The following BAHD1 variants were observed in gnomAD, a reference collection of about 807,000 sequenced individuals.
BAHD1 encodes bromo adjacent homology domain-containing 1 protein.
In BAHD1, 20 loss-of-function variants were observed where a neutral mutation model predicts 63.1. That is an observed-to-expected ratio of 0.32 (90% CI 0.22 to 0.46). BAHD1 has a LOEUF of 0.46. Among genes scored for constraint, BAHD1 ranks in the 20% least tolerant of loss-of-function variants. The pLI is 1.00. For synonymous variants in BAHD1, 408 were observed against 426.8 expected, an observed-to-expected ratio of 0.96 and a Z score of 0.54; for missense variants, 939 against 1,071.8, an observed-to-expected ratio of 0.88 and a Z score of 1.73.
rs1256282336 is a variant in BAHD1 at position 40,466,134 on chromosome 15, C to T, written c.*4C>T. On this transcript the variant is annotated 3_prime_UTR_variant, in exon 7 of 7. Coordinates refer to ENST00000416165, the MANE Select transcript of BAHD1 (RefSeq NM_014952.5). ...CATCCTTAAGAACCCCCAGTAGCCT[C>T]CTCATGCCCATGCTGGGGCTACCCA... 1 of 1,611,122 alleles carries T rather than the reference C, an allele frequency of 6.2e-7. No homozygotes were observed. The highest frequency in any genetic ancestry group is 1.3e-5 in the African/African-American group (1 of 74,998).
Position 40,467,509 on chromosome 15 carries a change from G to C in BAHD1, c.*1379G>C, listed in dbSNP as rs954378586. 2.6e-5 allele frequency: 4 copies of C among 152,884 alleles called. No homozygotes were observed. Among genetic ancestry groups the C allele is most frequent in the African/African-American group, 9.7e-5 (4 of 41,444 alleles). The allele number at this position is 152,884 out of a possible 1,614,324, so 9.5% of individuals were successfully genotyped here. ...CTGCAGCCCTGGGTCTTCCCTTAGG[G>C]AGGAAGGGCAGATGAACCCAGCAGG... is the stretch of plus-strand genomic sequence containing the variant. On this transcript the variant is annotated 3_prime_UTR_variant, in exon 7 of 7. Transcript: ENST00000416165.
In BAHD1 at chr15:40,459,576, C is replaced by T. The variant is rs748905255; in HGVS notation, c.1112C>T (p.Pro371Leu). 9 of 1,614,088 alleles carry T rather than the reference C, an allele frequency of 5.6e-6. No individual in the cohort carries two copies. The African/African-American group carries it at 1.2e-4, about 22-fold the overall frequency. Residue 371 changes from proline (P) to leucine (L), a missense_variant, in exon 2 of 7, where the codon CCT becomes CTT. Pro to Leu is a moderately conservative substitution (Grantham distance 98). Coordinates refer to ENST00000416165, the MANE Select transcript of BAHD1 (RefSeq NM_014952.5). ...PADYNGLCVG[P>L]ELTALGSFYL... ...GACTACAATGGCCTGTGTGTTGGGC[C>T]TGAGCTCACTGCACTAGGCAGCTTC...
At chr15:40,464,900 G>A in intron 5 of BAHD1, 1 of 386,880 alleles carries the variant, frequency 2.6e-6, no homozygotes, top group East Asian at 5.2e-5. Context: ...AGTAGGGGAG[G>A]GGAGGGGAGG....
At chr15:40,463,659 T>A (rs1367586280) in intron 3 of BAHD1, among the ~76,000 whole-genome samples, 1 of 152,182 alleles carries the variant, frequency 6.6e-6, no homozygotes, top group Non-Finnish European at 1.5e-5. Flanking sequence ...AGGCCACTTT[T>A]CCACCCCTAT....
At chr15:40,447,746 T>C (rs1266348234) in intron 1 of BAHD1, among the ~76,000 whole-genome samples, 2 of 152,160 alleles carry the variant, frequency 1.3e-5, no homozygotes, top group Non-Finnish European at 2.9e-5. Flanking sequence ...GTTTAGAGCA[T>C]GATGACCAGT....
intron 1 of BAHD1, among the ~76,000 whole-genome samples, chr15:40,447,967 C>T (rs1488650424): frequency 1.3e-5 from 2 of 152,054 alleles, no homozygotes; most frequent in African/African-American, 2.4e-5. Flanking sequence ...ATGTTTGTTT[C>T]GGCCAGGTGC....
In BAHD1 at chr15:40,466,413, T is replaced by G; in HGVS notation, c.*283T>G. ...TCCGAAAAGTAGTCTTCTCTGAGGC[T>G]GGGCCAAGCCTGAGGGAAATGGGGC... On this transcript the variant is annotated 3_prime_UTR_variant, in exon 7 of 7. Transcript: ENST00000416165. 1 of 113,884 alleles carries G rather than the reference T, an allele frequency of 8.8e-6. No homozygotes were observed. Among genetic ancestry groups the G allele is most frequent in the Non-Finnish European group, 1.6e-5 (1 of 62,018 alleles). 7.1% of individuals were successfully genotyped at this position (113,884 alleles called of 1,614,324 possible).
rs1341747223 is a variant in BAHD1, at chr15:40,466,421, G to A, written c.*291G>A. On this transcript the variant is annotated 3_prime_UTR_variant, in exon 7 of 7. Coordinates refer to ENST00000416165, the MANE Select transcript of BAHD1 (RefSeq NM_014952.5). ...GTAGTCTTCTCTGAGGCTGGGCCAA[G>A]CCTGAGGGAAATGGGGCCCTAGGAG... 1.9e-5 allele frequency: 4 copies of A among 208,956 alleles called. No homozygotes were observed. Among genetic ancestry groups the A allele is most frequent in the Admixed American group, 5.9e-5 (1 of 16,906 alleles). 12.9% of individuals were successfully genotyped at this position (208,956 alleles called of 1,614,324 possible).
At chr15:40,446,729 C>T (rs1033777517) in intron 1 of BAHD1, among the ~76,000 whole-genome samples, 1 of 152,118 alleles carries the variant, frequency 6.6e-6, no homozygotes, top group Non-Finnish European at 1.5e-5. Context: ...AATATTTTTT[C>T]TTGCATGTGT....
In BAHD1 at chr15:40,441,053, CCGCCCGCCCCGGCCAGGCG is replaced by C. The variant is rs1049083110; in HGVS notation, c.-219_-201del. Among the ~76,000 whole-genome samples the C allele has an allele frequency of 4.5e-4, 66 of 146,260 alleles. No homozygotes were observed. The highest frequency in any genetic ancestry group is 2.7e-3 in the South Asian group (13 of 4,796). Reference sequence around the variant, plus strand: ...GCCCCGCCCGTCCGGCCCCCGCCGTCCGCCCGCCCCGGCCAGGCGCGCCCGCCCCCCCCGACGGCCCCGC... The same window carrying C: ...GCCCCGCCCGTCCGGCCCCCGCCGTCCGCCCGCCCCCCCCGACGGCCCCGC... On this transcript the variant is annotated 5_prime_UTR_variant, in exon 1 of 7. Coordinates refer to ENST00000416165, the MANE Select transcript of BAHD1 (RefSeq NM_014952.5).
At chr15:40,457,944 C>T (rs145140649) in intron 1 of BAHD1, among the ~76,000 whole-genome samples, 5,790 of 152,110 alleles carry the variant, frequency 0.038, 385 homozygotes, top group African/African-American at 0.13. Flanking sequence ...ACCTGGGAGG[C>T]GGAGCTTGCA....
chr15:40,462,178 C>T lies in BAHD1; in HGVS notation c.1699C>T (p.Pro567Ser). Residue 567 changes from proline to serine, a missense_variant, in exon 3 of 7, where the codon CCT (proline) becomes TCT (serine). Physicochemically the swap from Pro to Ser is moderately conservative, Grantham distance 74 (BLOSUM62 -1). Coordinates refer to ENST00000416165, the MANE Select transcript of BAHD1 (RefSeq NM_014952.5). ...TGCAAGGAGCAAGGCTGCCCGCAGG[C>T]CTAGCCACCCCAAGCAGCCACGTGT... Reference protein sequence around the residue: ...HTARSKAARRPSHPKQPRVQR... With the variant: ...HTARSKAARRSSHPKQPRVQR... 1 of 1,612,306 alleles carries T rather than the reference C, an allele frequency of 6.2e-7. No homozygotes were observed. Among genetic ancestry groups the T allele is most frequent in the Non-Finnish European group, 8.5e-7 (1 of 1,179,940 alleles).
Position 40,459,693 on chromosome 15 carries a change from C to T in BAHD1, c.1229C>T (p.Pro410Leu), listed in dbSNP as rs1893975039. The T allele has an allele frequency of 2.5e-6, 4 of 1,613,898 alleles. No homozygotes were observed. The Admixed American group carries it at 5.0e-5, about 20-fold the overall frequency. The change falls in exon 2 of 7, where the codon CCT becomes CTT. Residue 410 changes from proline (P) to leucine (L), a missense_variant. Physicochemically the swap from Pro to Leu is moderately conservative, Grantham distance 98. Transcript: ENST00000416165. The part of the protein sequence containing the change: ...PEGKLSPVAA[P>L]HEEGLLLAPS... ...GGCAAGCTGTCCCCAGTGGCTGCAC[C>T]TCACGAGGAGGGGCTCCTCTTAGCT... is the stretch of plus-strand genomic sequence containing the variant.
At position 40,462,271 on chromosome 15, in the gene BAHD1, T is replaced by A. The variant is rs1386951025; in HGVS notation, c.1792T>A (p.Cys598Ser). The A allele has an allele frequency of 3.7e-6, 6 of 1,609,018 alleles. No individual in the cohort carries two copies. In the South Asian group the frequency reaches 6.6e-5, roughly 18 times the overall value. The change falls in exon 3 of 7, where the codon TGT becomes AGT. Residue 598 changes from cysteine (C) to serine (S), a missense_variant. This residue lies in a region of BAHD1 where 35 missense variants were observed against 56.5 expected (regional missense o/e 0.62). Coordinates refer to ENST00000416165, the MANE Select transcript of BAHD1 (RefSeq NM_014952.5). The stretch of plus-strand genomic sequence containing the variant: ...TGGCTGGGTACCTGTTGGGGCTGCG[T>A]GTGAGAAGGCTGTGTATGTCTTGGT... ...TNGWVPVGAA[C>S]EKAVYVLDEP...
In BAHD1 at chr15:40,445,677, AG is replaced by A. The variant is rs1270545543; in HGVS notation, c.-15+4412del. 8.2e-4 allele frequency among the ~76,000 whole-genome samples: 125 copies of A among 152,342 alleles called. 2 individuals carry two copies. The highest frequency in any genetic ancestry group is 7.6e-3 in the Admixed American group (117 of 15,300). The stretch of plus-strand genomic sequence containing the variant: ...ATTATACGAACAGCCCCGACATTAA[AG>A]GGCCTCCTTTTTATGAATGGGTTGT... On this transcript the variant is annotated intron_variant, in intron 1 of 6. Transcript: ENST00000416165.
At chr15:40,465,875 A>G (rs1215809140) in intron 6 of BAHD1, 66 bp from the exon 7 acceptor site, 48 of 1,488,928 alleles carry the variant, frequency 3.2e-5, no homozygotes, top group Middle Eastern at 1.8e-4. Context: ...AGGGTAGGGT[A>G]GGGAAGGAAT....
chr15:40,451,703 G>C (rs1893708437), intron 1 of BAHD1, among the ~76,000 whole-genome samples: 1 of 152,240 alleles, frequency 6.6e-6, no homozygotes, highest in African/African-American at 2.4e-5. Flanking sequence ...TCTGCTGTGG[G>C]GGGGCCAGCA....
chr15:40,452,095 C>T (rs931411471), intron 1 of BAHD1, among the ~76,000 whole-genome samples: 2 of 152,208 alleles, frequency 1.3e-5, no homozygotes, highest in African/African-American at 2.4e-5. Flanking sequence ...CCACCAGACC[C>T]GAGGGCAGTC....
intron 1 of BAHD1, among the ~76,000 whole-genome samples, chr15:40,457,000 A>G (rs1014369659): frequency 6.6e-6 from 1 of 152,002 alleles, no homozygotes; most frequent in Non-Finnish European, 1.5e-5. Context: ...CTGGCCTCTC[A>G]CTCAGAACTG....
Sources: allele counts gnomAD v4.1 joint callset (sites outside exome capture counted in the v4.1 genomes callset), GRCh38; gene constraint gnomAD v4.1.1; regional missense constraint gnomAD v4.1.1; transcripts MANE v1.5; gene names NCBI Gene and HGNC (gene_info 2026-07-23, HGNC 2026-07-21).